The following MYH11 variants were observed in gnomAD, a reference collection of about 807,000 sequenced individuals.
MYH11 encodes the protein myosin heavy chain 11, also known as myosin-11.
MYH11 carries 80 observed loss-of-function variants against 246.6 expected under a neutral mutation model. The observed-to-expected ratio is 0.32, with a 90% CI of 0.27 to 0.39. MYH11 has a LOEUF of 0.39. Among genes scored for constraint, MYH11 ranks in the 10% least tolerant of loss-of-function variants. The probability of loss-of-function intolerance (pLI) is 1.00; values close to 1 mark genes in which losing one functional copy is unlikely to be tolerated. For missense variants in MYH11, 2,158 were observed against 2,546.8 expected (o/e 0.85, Z 3.29); for synonymous variants, 1,071 against 1,015.5 (o/e 1.05, Z -1.04).
chr16:15,734,640 G>A (rs1364800987), intron 26 of MYH11, among the ~76,000 whole-genome samples: 1 of 152,080 alleles, frequency 6.6e-6, no homozygotes, highest in Non-Finnish European at 1.5e-5. Context: ...TTTTCAAATT[G>A]TTCTCTGAGT....
chr16:15,744,745 C>T (rs1567721379), intron 20 of MYH11, among the ~76,000 whole-genome samples: 1 of 152,128 alleles, frequency 6.6e-6, no homozygotes, highest in African/African-American at 2.4e-5. Flanking sequence ...GCAAGTGATC[C>T]GCCTGCCTCG....
In MYH11 at chr16:15,715,098, GA is replaced by G. The variant is rs1555550026; in HGVS notation, c.5614-18del. On this transcript the variant is annotated intron_variant, in intron 39 of 40. Transcript: ENST00000300036. ...TTTCTCTGCCTGTCGCGGAGAGTTG[GA>G]GGGGTGGTTAGGGGAGGCCGGCTGG... The G allele has an allele frequency of 1.2e-6, 2 of 1,612,642 alleles. No homozygotes were observed. Among genetic ancestry groups the G allele is most frequent in the Non-Finnish European group, 1.7e-6 (2 of 1,180,022 alleles).
At chr16:15,831,109 T>C (rs758910173) in intron 2 of MYH11, among the ~76,000 whole-genome samples, 3 of 152,052 alleles carry the variant, frequency 2.0e-5, no homozygotes, top group Non-Finnish European at 4.4e-5. Context: ...GAGGGGGCTG[T>C]TGCAGTGAGC....
At chr16:15,823,114 T>G in intron 3 of MYH11, 141 bp downstream of exon 3, 2 of 1,238,408 alleles carry the variant, frequency 1.6e-6, no homozygotes, top group Non-Finnish European at 2.3e-6. Flanking sequence ...ATGTTCCTTT[T>G]GCTTTTTCCC....
At chr16:15,774,522 A>G (rs2042176031) in intron 8 of MYH11, among the ~76,000 whole-genome samples, 1 of 152,258 alleles carries the variant, frequency 6.6e-6, no homozygotes, top group African/African-American at 2.4e-5. Context: ...AAATCCATTC[A>G]GCATTCCCCC....
intron 1 of MYH11, among the ~76,000 whole-genome samples, chr16:15,856,346 C>CA (rs1370680790): frequency 2.9e-5 from 4 of 140,126 alleles, no homozygotes; most frequent in Non-Finnish European, 4.7e-5. Flanking sequence ...AAAAAAAAAA[C>CA]AACAACACTC....
chr16:15,720,973 C>T lies in MYH11; in HGVS notation c.4657G>A (p.Asp1553Asn), dbSNP rs2151208733. 1.2e-6 allele frequency: 2 copies of T among 1,614,126 alleles called. No homozygotes were observed. Among genetic ancestry groups the T allele is most frequent in the South Asian group, 1.1e-5 (1 of 91,076 alleles). ...GCGTCCTCCGTGGCTTGCAGCTCGTCCTCCAGCTCTTCCAGCTGCGTCTTC... is the reference window on the plus strand; with the variant it reads ...GCGTCCTCCGTGGCTTGCAGCTCGTTCTCCAGCTCTTCCAGCTGCGTCTTC... ...EMKTQLEELEDELQATEDAKL... is the reference protein window; with the variant it reads ...EMKTQLEELENELQATEDAKL... The change falls in exon 33 of 41, where the codon GAC becomes AAC. Residue 1553 changes from aspartate (D) to asparagine (N), a missense_variant. Asp to Asn is a conservative substitution (Grantham distance 23, BLOSUM62 1). Around this residue, in one of 11 missense-constraint regions of MYH11, gnomAD observed 1,013 missense variants for 993.5 expected, o/e 1.02. Coordinates refer to ENST00000300036, the MANE Select transcript of MYH11 (RefSeq NM_002474.3).
intron 2 of MYH11, among the ~76,000 whole-genome samples, chr16:15,830,548 G>A (rs1052489995): frequency 6.6e-6 from 1 of 152,266 alleles, no homozygotes; most frequent in African/African-American, 2.4e-5. Flanking sequence ...TTGGAGGGGT[G>A]CAGGAGGGGC....
chr16:15,741,323 T>C (rs2041264969), intron 22 of MYH11, 140 bp downstream of exon 22: 1 of 952,654 alleles, frequency 1.0e-6, no homozygotes, highest in African/African-American at 1.6e-5. Flanking sequence ...GTGGCCTTGA[T>C]CAGATGACCA....
At chr16:15,830,555 G>A (rs1199699799) in intron 2 of MYH11, among the ~76,000 whole-genome samples, 1 of 152,106 alleles carries the variant, frequency 6.6e-6, no homozygotes, top group African/African-American at 2.4e-5. Context: ...GGTGCAGGAG[G>A]GGCTCTCTAT....
rs768521822 is a variant in MYH11 at position 15,778,830 on chromosome 16, C to T, written c.740G>A (p.Arg247His). 8.1e-6 allele frequency: 13 copies of T among 1,613,932 alleles called. No individual in the cohort carries two copies. The highest frequency in any genetic ancestry group is 5.3e-5 in the African/African-American group (4 of 74,870). ...DNSSRFGKFIRINFDVTGYIV... is the reference protein window; with the variant it reads ...DNSSRFGKFIHINFDVTGYIV... ...GTAACCCGTGACGTCGAAGTTGATG[C>T]GGATGAATTTGCCCTGCCAACAGGA... Residue 247 changes from arginine (R) to histidine (H), a missense_variant, in exon 7 of 41, where the codon CGC (arginine) becomes CAC (histidine). Around this residue, in one of 11 missense-constraint regions of MYH11, gnomAD observed 123 missense variants for 207.1 expected, o/e 0.59. Coordinates refer to ENST00000300036, the MANE Select transcript of MYH11 (RefSeq NM_002474.3).
chr16:15,745,920 ATTTG>A (rs997121219), intron 19 of MYH11, among the ~76,000 whole-genome samples: 2 of 140,226 alleles, frequency 1.4e-5, no homozygotes, highest in East Asian at 2.2e-4. Context: ...TTATTTATTT[ATTTG>A]TTTATTTTCA....
chr16:15,774,440 CA>C (rs1349736142), intron 8 of MYH11, among the ~76,000 whole-genome samples: 4 of 152,204 alleles, frequency 2.6e-5, no homozygotes, highest in Admixed American at 6.5e-5. Flanking sequence ...GGAATGTCAA[CA>C]TTTTTCCCTG....
At chr16:15,843,430 C>T (rs553784075) in intron 1 of MYH11, among the ~76,000 whole-genome samples, 1 of 151,746 alleles carries the variant, frequency 6.6e-6, no homozygotes, top group East Asian at 1.9e-4. Context: ...GTGGCTCACA[C>T]CTGTAATCCC....
At chr16:15,779,124 TA>T (rs571024599) in intron 6 of MYH11, 2 of 544,238 alleles carry the variant, frequency 3.7e-6, no homozygotes, top group South Asian at 4.1e-5. Flanking sequence ...TATCCCTATT[TA>T]AAAAAACTTA....
In MYH11 at chr16:15,718,156, G is replaced by T. The variant is rs777752397; in HGVS notation, c.5295+159C>A. The T allele has an allele frequency of 6.1e-4, 696 of 1,148,744 alleles. 2 individuals are homozygous for T. Among genetic ancestry groups the T allele is most frequent in the Non-Finnish European group, 6.8e-4 (542 of 791,658 alleles). 71.2% of individuals were successfully genotyped at this position (1,148,744 alleles called of 1,614,324 possible). A position where few individuals can be genotyped will look rare whatever the true frequency, so the allele number is the denominator to read the frequency against. ...TGAAGACAGCAGCCTGGGCACTGGT[G>T]TAAGGGCCCTGGATCTCTACTCTCA... On this transcript the variant is annotated intron_variant, in intron 37 of 40. Transcript: ENST00000300036.
At chr16:15,838,975 G>C (rs147870246) in intron 1 of MYH11, among the ~76,000 whole-genome samples, 215 of 151,814 alleles carry the variant, frequency 1.4e-3, no homozygotes, top group African/African-American at 4.4e-3. Flanking sequence ...ATTAAACATA[G>C]AATTACCCAG....
intron 3 of MYH11, among the ~76,000 whole-genome samples, chr16:15,820,960 C>A (rs762927951): frequency 6.6e-6 from 1 of 152,198 alleles, no homozygotes; most frequent in Non-Finnish European, 1.5e-5. Context: ...GCAACCTCCA[C>A]TTCCTGGTCT....
At chr16:15,854,450 G>A (rs561735105) in intron 1 of MYH11, among the ~76,000 whole-genome samples, 1 of 152,280 alleles carries the variant, frequency 6.6e-6, no homozygotes, top group South Asian at 2.1e-4. Context: ...GGTTAGCTGA[G>A]CTATCTTAAG....
Sources: allele counts gnomAD v4.1 joint callset (sites outside exome capture counted in the v4.1 genomes callset), GRCh38; gene constraint gnomAD v4.1.1; regional missense constraint gnomAD v4.1.1; transcripts MANE v1.5; gene names NCBI Gene and HGNC (gene_info 2026-07-23, HGNC 2026-07-21).